GRID1: variants seen among roughly 807,000 people sequenced by gnomAD.
The protein encoded by GRID1 is glutamate ionotropic receptor delta type subunit 1.
Under a neutral mutation model 98.0 loss-of-function variants are expected in GRID1, and 28 were observed. The observed-to-expected ratio is 0.29, with a 90% CI of 0.21 to 0.39. GRID1 has a LOEUF of 0.39. Among genes scored for constraint, GRID1 ranks in the 10% least tolerant of loss-of-function variants. The probability of loss-of-function intolerance (pLI) is 1.00; values close to 1 mark genes in which losing one functional copy is unlikely to be tolerated. For missense variants in GRID1, 1,111 were observed against 1,340.5 expected (o/e 0.83, Z 2.67); for synonymous variants, 553 against 538.5 (o/e 1.03, Z -0.37).
At chr10:85,878,644 C>T (rs1291707827) in intron 5 of GRID1, among the ~76,000 whole-genome samples, 13 of 152,256 alleles carry the variant, frequency 8.5e-5, no homozygotes, top group East Asian at 7.7e-4. Flanking sequence ...AAGGAACAAC[C>T]GGTACCAGCC....
At chr10:86,220,004 T>C (rs4934163) in intron 2 of GRID1, among the ~76,000 whole-genome samples, 7,821 of 152,296 alleles carry the variant, frequency 0.051, 309 homozygotes, top group Admixed American at 0.095. Flanking sequence ...TCATGCCTTA[T>C]TTTGTAAAAT....
intron 2 of GRID1, among the ~76,000 whole-genome samples, chr10:86,349,397 C>T (rs1848433495): frequency 6.6e-6 from 1 of 152,232 alleles, no homozygotes; most frequent in South Asian, 2.1e-4. Flanking sequence ...TCCACTCACC[C>T]CCAACTACCC....
chr10:86,101,194 G>GT (rs1455717404), intron 4 of GRID1, among the ~76,000 whole-genome samples: 1 of 152,202 alleles, frequency 6.6e-6, no homozygotes, highest in Non-Finnish European at 1.5e-5. Flanking sequence ...GCAGCAGGAG[G>GT]TGACATCAAA....
chr10:85,724,968 T>C (rs1841746514), intron 10 of GRID1, among the ~76,000 whole-genome samples: 1 of 152,228 alleles, frequency 6.6e-6, no homozygotes, highest in African/African-American at 2.4e-5. Flanking sequence ...TTATCTTCAC[T>C]TTGTTGTTTT....
At chr10:85,691,263 G>A (rs1443594577) in intron 12 of GRID1, among the ~76,000 whole-genome samples, 6 of 152,278 alleles carry the variant, frequency 3.9e-5, no homozygotes, top group Middle Eastern at 3.4e-3. Flanking sequence ...CTCTGCCAAC[G>A]AGAGTTTAGA....
At chr10:85,961,961 TAAAG>T (rs1842273577) in intron 4 of GRID1, among the ~76,000 whole-genome samples, 1 of 145,294 alleles carries the variant, frequency 6.9e-6, no homozygotes, top group Non-Finnish European at 1.5e-5. Flanking sequence ...AAGGGAAGAA[TAAAG>T]AAAGGAAGGA....
At chr10:85,722,843 A>T (rs1436165146) in intron 12 of GRID1, among the ~76,000 whole-genome samples, 160 bp downstream of exon 12, 1 of 152,184 alleles carries the variant, frequency 6.6e-6, no homozygotes, top group Admixed American at 6.5e-5. Flanking sequence ...GATAAAATAC[A>T]ACAGGAGTGA....
At chr10:86,274,055 T>C (rs548216398) in intron 2 of GRID1, among the ~76,000 whole-genome samples, 5 of 152,340 alleles carry the variant, frequency 3.3e-5, no homozygotes, top group African/African-American at 9.6e-5. Context: ...GGTCTAATGT[T>C]TAAGTATTTA....
At chr10:85,669,525 T>C (rs533843623) in intron 12 of GRID1, among the ~76,000 whole-genome samples, 1 of 152,282 alleles carries the variant, frequency 6.6e-6, no homozygotes, top group South Asian at 2.1e-4. Context: ...CTGAAGCCCC[T>C]GGCTTCCTCC....
chr10:85,716,321 A>T (rs1841639064), intron 12 of GRID1, among the ~76,000 whole-genome samples: 1 of 152,174 alleles, frequency 6.6e-6, no homozygotes, highest in Admixed American at 6.5e-5. Context: ...CAAAAAAAAC[A>T]AACACCGCAT....
chr10:85,965,269 A>C (rs946393372), intron 4 of GRID1, among the ~76,000 whole-genome samples: 4 of 152,256 alleles, frequency 2.6e-5, no homozygotes, highest in Non-Finnish European at 5.9e-5. Flanking sequence ...CATTTGATCC[A>C]GCAATCCCAT....
chr10:85,992,787 A>AAATAAT (rs910986377), intron 4 of GRID1, among the ~76,000 whole-genome samples: 1 of 151,666 alleles, frequency 6.6e-6, no homozygotes, highest in African/African-American at 2.4e-5. Context: ...CTGTCTCTAA[A>AAATAAT]AATAATAATA....
intron 5 of GRID1, among the ~76,000 whole-genome samples, chr10:85,877,740 C>T (rs539694021): frequency 1.3e-5 from 2 of 152,336 alleles, no homozygotes; most frequent in Admixed American, 6.5e-5. Context: ...GAACGCAGCT[C>T]CTCACCAGCA....
intron 4 of GRID1, among the ~76,000 whole-genome samples, chr10:85,952,140 T>C (rs1013111085): frequency 5.3e-5 from 8 of 152,204 alleles, no homozygotes; most frequent in African/African-American, 1.9e-4. Flanking sequence ...AGTGCCTACA[T>C]GGGAATGGCA....
chr10:86,363,636 G>C (rs980345153), intron 2 of GRID1, among the ~76,000 whole-genome samples: 2 of 151,916 alleles, frequency 1.3e-5, no homozygotes, highest in African/African-American at 2.4e-5. Context: ...CCCGAGCCAC[G>C]CACGCCTGCG....
chr10:85,892,567 G>T (rs1841218740), intron 5 of GRID1, among the ~76,000 whole-genome samples: 1 of 151,134 alleles, frequency 6.6e-6, no homozygotes, highest in Admixed American at 6.6e-5. Flanking sequence ...AGAAAACTAT[G>T]TTTTTCCTAG....
At chr10:85,649,791 T>C (rs528468549) in intron 12 of GRID1, among the ~76,000 whole-genome samples, 1 of 152,162 alleles carries the variant, frequency 6.6e-6, no homozygotes, top group Non-Finnish European at 1.5e-5. Flanking sequence ...CAAATGTTTA[T>C]GGCTTCATGT....
At chr10:86,081,217 G>T (rs1201147696) in intron 4 of GRID1, among the ~76,000 whole-genome samples, 1 of 152,168 alleles carries the variant, frequency 6.6e-6, no homozygotes, top group Non-Finnish European at 1.5e-5. Flanking sequence ...ATTTTGAAGA[G>T]TTTTGCTCAA....
At chr10:86,252,012 G>GGT (rs1359384787) in intron 2 of GRID1, among the ~76,000 whole-genome samples, 2 of 152,204 alleles carry the variant, frequency 1.3e-5, no homozygotes, top group Non-Finnish European at 2.9e-5. Flanking sequence ...ATCACTTGCA[G>GGT]AGGTTGGTAC....
Sources: gnomAD v4.1 joint callset for allele counts (sites outside exome capture counted in the v4.1 genomes callset) on GRCh38, gnomAD v4.1.1 for gene constraint, MANE v1.5 for transcripts, NCBI Gene and HGNC (gene_info 2026-07-23, HGNC 2026-07-21) for gene names.